The following SLC9B1 variants were observed in gnomAD, a reference collection of about 807,000 sequenced individuals.
SLC9B1 encodes the protein solute carrier family 9 member B1.
A neutral mutation model predicts 51.7 loss-of-function variants in SLC9B1; 32 were observed. That is an observed-to-expected ratio of 0.62 (90% CI 0.47 to 0.83). SLC9B1 has a LOEUF of 0.83. Ranked by LOEUF, SLC9B1 falls within the 40% of genes least tolerant of loss-of-function variation. The pLI is 0.00. For missense variants in SLC9B1, 406 were observed against 613.2 expected (o/e 0.66, Z 3.57); for synonymous variants, 145 against 212.7 (o/e 0.68, Z 2.77).
chr4:102,905,439 G>C, intron 11 of SLC9B1, 75 bp downstream of exon 11: 2 of 1,414,370 alleles, frequency 1.4e-6, no homozygotes, highest in Non-Finnish European at 2.0e-6. Context: ...TTTGTGACTA[G>C]AGTAACATTT....
chr4:102,948,214 T>C (rs1737362966), intron 4 of SLC9B1, among the ~76,000 whole-genome samples: 1 of 151,950 alleles, frequency 6.6e-6, no homozygotes, highest in Non-Finnish European at 1.5e-5. Flanking sequence ...CTTATTCTAG[T>C]TCAGGGTCAA....
intron 11 of SLC9B1, among the ~76,000 whole-genome samples, chr4:102,893,300 A>AAAAAAAAAAAAAAAAAAAG (rs1314502030): frequency 6.8e-6 from 1 of 147,768 alleles, no homozygotes; most frequent in Non-Finnish European, 1.5e-5. Flanking sequence ...AAAAAAAAAA[A>AAAAAAAAAAAAAAAAAAAG]AAAAAGAAAA....
At chr4:102,947,069 C>A (rs530528238) in intron 4 of SLC9B1, among the ~76,000 whole-genome samples, 43 of 152,208 alleles carry the variant, frequency 2.8e-4, no homozygotes, top group Admixed American at 1.3e-3. Context: ...GGTCTCCCCC[C>A]ACTTTGGCAA....
chr4:102,957,494 A>G (rs1283981735), intron 3 of SLC9B1, among the ~76,000 whole-genome samples: 9 of 152,196 alleles, frequency 5.9e-5, no homozygotes, highest in African/African-American at 2.2e-4. Flanking sequence ...TCTGAAAAAA[A>G]TGGAGGCCTT....
chr4:102,932,009 T>C, intron 7 of SLC9B1, 115 bp downstream of exon 7: 1 of 943,244 alleles, frequency 1.1e-6, no homozygotes, highest in South Asian at 1.6e-5. Flanking sequence ...ATTAAAAAGA[T>C]GTTAAATTGA....
rs553827681 is a variant in SLC9B1, at chr4:102,911,503, C to A, written c.864G>T (p.Arg288Ser). The A allele has an allele frequency of 6.3e-7, 1 of 1,596,818 alleles. No individual in the cohort carries two copies. The highest frequency in any genetic ancestry group is 8.5e-7 in the Non-Finnish European group (1 of 1,179,454). ...CTGCCAGCAGACTAATACATACGTT[C>A]CTTATAGAGGCTATGGCGTTATTAA... Reference protein sequence around the residue: ...GILNNAIASIRNVCISLLAGI... With the variant: ...GILNNAIASISNVCISLLAGI... Residue 288 changes from arginine to serine, a missense_variant, in exon 8 of 12, where the codon AGG becomes AGT. Physicochemically the swap from Arg to Ser is moderately radical, Grantham distance 110. This residue lies in a region of SLC9B1 where 250 missense variants were observed against 394.1 expected (regional missense o/e 0.63). Coordinates refer to ENST00000296422, the MANE Select transcript of SLC9B1 (RefSeq NM_139173.4).
intron 3 of SLC9B1, among the ~76,000 whole-genome samples, chr4:102,963,520 G>A (rs1381485135): frequency 1.3e-5 from 2 of 152,212 alleles, no homozygotes; most frequent in African/African-American, 2.4e-5. Flanking sequence ...GTTGACTGTT[G>A]TATGCCCACT....
chr4:102,994,674 G>A (rs1260460385), intron 1 of SLC9B1, among the ~76,000 whole-genome samples: 1 of 152,168 alleles, frequency 6.6e-6, no homozygotes, highest in Non-Finnish European at 1.5e-5. Flanking sequence ...GAGGTTTAAT[G>A]GACTCACAGT....
chr4:102,917,843 G>A (rs1229684387), intron 7 of SLC9B1, among the ~76,000 whole-genome samples: 1 of 152,096 alleles, frequency 6.6e-6, no homozygotes, highest in Non-Finnish European at 1.5e-5. Context: ...GCCGAGGCAG[G>A]CAGATCACCT....
intron 6 of SLC9B1, among the ~76,000 whole-genome samples, chr4:102,941,044 C>G (rs1487005660): frequency 2.0e-5 from 3 of 152,134 alleles, no homozygotes; most frequent in Admixed American, 2.0e-4. Context: ...CTAAGAAATA[C>G]CATTCTGGAC....
chr4:102,895,716 G>A (rs1359446727), intron 11 of SLC9B1, among the ~76,000 whole-genome samples: 2 of 152,138 alleles, frequency 1.3e-5, no homozygotes, highest in African/African-American at 4.8e-5. Context: ...TAAGGATGGA[G>A]CAAAATTTTT....
chr4:102,888,660 C>G (rs374112419), intron 11 of SLC9B1: 2 of 152,336 alleles, frequency 1.3e-5, no homozygotes, highest in South Asian at 2.1e-4. Context: ...TAGCCAGGTG[C>G]CATGGCACAG....
At chr4:102,964,317 T>C (rs893284109) in intron 3 of SLC9B1, among the ~76,000 whole-genome samples, 16 of 152,124 alleles carry the variant, frequency 1.1e-4, no homozygotes, top group Non-Finnish European at 1.9e-4. Context: ...CAAATCTTCC[T>C]ATAGAGAAAA....
In SLC9B1 at chr4:102,918,592, G is replaced by T. The variant is rs1486839983; in HGVS notation, c.830-7055C>A. Among the ~76,000 whole-genome samples, 34 of 152,166 alleles carry T rather than the reference G, an allele frequency of 2.2e-4. 1 individual carries two copies. Among genetic ancestry groups the T allele is most frequent in the Admixed American group, 2.2e-3 (34 of 15,278 alleles). On this transcript the variant is annotated intron_variant, in intron 7 of 11. Transcript: ENST00000296422. ...CAATGTGATAATATTAAGAGGTGGG[G>T]CATTTTGGAGATGATTAGTTCATGA... is the stretch of plus-strand genomic sequence containing the variant.
At position 102,901,023 on chromosome 4, in the gene SLC9B1, T is replaced by C; in HGVS notation, c.*94A>G. 6.4e-7 allele frequency: 1 copy of C among 1,564,836 alleles called. No individual in the cohort carries two copies. Among genetic ancestry groups the C allele is most frequent in the Non-Finnish European group, 8.6e-7 (1 of 1,158,712 alleles). ...CACATGTTTACTAAATCCTGGATTC[T>C]CTGTACAGTCCCCACATATTTCTAC... On this transcript the variant is annotated 3_prime_UTR_variant, in exon 12 of 12. Coordinates refer to ENST00000296422, the MANE Select transcript of SLC9B1 (RefSeq NM_139173.4).
chr4:103,012,685 G>T (rs570574097), intron 1 of SLC9B1, among the ~76,000 whole-genome samples: 1 of 152,308 alleles, frequency 6.6e-6, no homozygotes, highest in Admixed American at 6.5e-5. Flanking sequence ...ATAAATAACA[G>T]AAACCTACTT....
At chr4:102,975,600 T>C (rs1343535270) in intron 3 of SLC9B1, among the ~76,000 whole-genome samples, 4 of 129,918 alleles carry the variant, frequency 3.1e-5, no homozygotes, top group African/African-American at 1.2e-4. Context: ...TTTTTTTTTT[T>C]TTTTTTTTTG....
At chr4:102,963,619 A>C (rs559943074) in intron 3 of SLC9B1, among the ~76,000 whole-genome samples, 1 of 152,348 alleles carries the variant, frequency 6.6e-6, no homozygotes, top group East Asian at 1.9e-4. Context: ...ACCATTCTGA[A>C]GGAATTTAAA....
intron 6 of SLC9B1, among the ~76,000 whole-genome samples, chr4:102,933,407 A>G (rs1195449033): frequency 6.6e-6 from 1 of 152,234 alleles, no homozygotes; most frequent in Non-Finnish European, 1.5e-5. Flanking sequence ...AAGACCACAT[A>G]CTGGTCTAGT....
Sources: allele counts gnomAD v4.1 joint callset (sites outside exome capture counted in the v4.1 genomes callset), GRCh38; gene constraint gnomAD v4.1.1; regional missense constraint gnomAD v4.1.1; transcripts MANE v1.5; gene names NCBI Gene and HGNC (gene_info 2026-07-23, HGNC 2026-07-21).